The following EIF2B3 variants were observed in gnomAD, a reference collection of about 807,000 sequenced individuals.
EIF2B3 encodes the protein eukaryotic translation initiation factor 2B subunit gamma, also known as translation initiation factor eIF2B subunit gamma.
In EIF2B3, 20 loss-of-function variants were observed where a neutral mutation model predicts 54.1. The ratio of observed to expected loss-of-function variants is 0.37; its 90% CI spans 0.26 to 0.54. The LOEUF is 0.54. Among genes scored for constraint, EIF2B3 ranks in the 20% least tolerant of loss-of-function variants. The pLI is 0.86. For missense variants in EIF2B3, 448 were observed against 547.8 expected (o/e 0.82, Z 1.82); for synonymous variants, 153 against 188.1 (o/e 0.81, Z 1.52).
At chr1:44,951,268 A>G (rs1191898901) in intron 3 of EIF2B3, among the ~76,000 whole-genome samples, 1 of 152,224 alleles carries the variant, frequency 6.6e-6, no homozygotes, top group Non-Finnish European at 1.5e-5. Flanking sequence ...CAGGCATTAT[A>G]GAGATACAGC....
intron 3 of EIF2B3, among the ~76,000 whole-genome samples, 153 bp downstream of exon 3, chr1:44,978,162 T>C (rs1455016185): frequency 6.6e-6 from 1 of 151,974 alleles, no homozygotes; most frequent in Non-Finnish European, 1.5e-5. Context: ...ACCCGGGAGG[T>C]GGAGGTTGCA....
chr1:44,963,874 A>G (rs1644310329), intron 3 of EIF2B3, among the ~76,000 whole-genome samples: 1 of 152,138 alleles, frequency 6.6e-6, no homozygotes, highest in Non-Finnish European at 1.5e-5. Context: ...CCTCTACCCT[A>G]TAGCCCTTCA....
At chr1:44,921,448 C>CA (rs1475637111) in intron 5 of EIF2B3, among the ~76,000 whole-genome samples, 3 of 152,190 alleles carry the variant, frequency 2.0e-5, no homozygotes, top group African/African-American at 7.2e-5. Context: ...GGGTATTACT[C>CA]AAGACATCTT....
At chr1:44,952,550 T>C (rs923126561) in intron 3 of EIF2B3, among the ~76,000 whole-genome samples, 7 of 142,654 alleles carry the variant, frequency 4.9e-5, no homozygotes, top group African/African-American at 1.9e-4. Flanking sequence ...AAATGTCTTT[T>C]CTCCAATTTT....
chr1:44,917,760 T>A (rs1450991275), intron 5 of EIF2B3, among the ~76,000 whole-genome samples: 1 of 64,272 alleles, frequency 1.6e-5, no homozygotes, highest in Non-Finnish European at 2.7e-5. Flanking sequence ...ACACTCTTTT[T>A]TTTTTTTTTT....
At chr1:44,960,450 T>C (rs887196030) in intron 3 of EIF2B3, among the ~76,000 whole-genome samples, 2 of 151,946 alleles carry the variant, frequency 1.3e-5, no homozygotes, top group African/African-American at 4.8e-5. Context: ...CCATCCTGGC[T>C]AACACGGTGA....
intron 3 of EIF2B3, chr1:44,958,837 G>C (rs637224): frequency 0.19 from 191,021 of 983,596 alleles, 21,318 homozygotes; most frequent in African/African-American, 0.46. Flanking sequence ...TGAGCAGTGG[G>C]CTTCTGGACA....
At chr1:44,918,660 G>T (rs11811656) in intron 5 of EIF2B3, among the ~76,000 whole-genome samples, 33,676 of 152,122 alleles carry the variant, frequency 0.22, 4,054 homozygotes, top group Admixed American at 0.32. Context: ...CAAAGTGCTG[G>T]GATTACAGGC....
chr1:44,961,740 A>G (rs1181697713), intron 3 of EIF2B3, among the ~76,000 whole-genome samples: 2 of 152,208 alleles, frequency 1.3e-5, no homozygotes, highest in African/African-American at 4.8e-5. Context: ...AAAAATATTA[A>G]TATTTTATAG....
At chr1:44,908,674 C>T (rs553017646) in intron 5 of EIF2B3, among the ~76,000 whole-genome samples, 1 of 152,200 alleles carries the variant, frequency 6.6e-6, no homozygotes, top group East Asian at 1.9e-4. Context: ...CTTTATTCTA[C>T]AAGCAATGTA....
At chr1:44,942,418 T>TATATATATATAA (rs1553177413) in intron 3 of EIF2B3, among the ~76,000 whole-genome samples, 1 of 8,102 alleles carries the variant, frequency 1.2e-4, no homozygotes, top group African/African-American at 6.8e-4. Context: ...TATATATATA[T>TATATATATATAA]TTTTTTTTTT....
intron 3 of EIF2B3, among the ~76,000 whole-genome samples, chr1:44,951,626 G>A (rs184288175): frequency 6.6e-6 from 1 of 152,136 alleles, no homozygotes; most frequent in East Asian, 1.9e-4. Flanking sequence ...ATAGAAAACT[G>A]GTAACAGCAT....
At chr1:44,880,968 TAA>T (rs879853796) in intron 7 of EIF2B3, among the ~76,000 whole-genome samples, 2 of 123,710 alleles carry the variant, frequency 1.6e-5, no homozygotes, top group African/African-American at 6.0e-5. Flanking sequence ...CTCAAAAAAA[TAA>T]AAAAAAAAAA....
intron 10 of EIF2B3, 96 bp downstream of exon 10, chr1:44,874,582 G>T: frequency 7.2e-7 from 1 of 1,380,570 alleles, no homozygotes; most frequent in South Asian, 1.3e-5. Context: ...CACTTTGCCT[G>T]GGTATACAAT....
intron 10 of EIF2B3, chr1:44,862,890 C>T (rs1654656901): frequency 6.6e-6 from 1 of 152,130 alleles, no homozygotes; most frequent in Admixed American, 6.5e-5. Context: ...AGCCACTGCA[C>T]CCAGCCTACA....
At chr1:44,928,018 T>C (rs1029208010) in intron 4 of EIF2B3, among the ~76,000 whole-genome samples, 1 of 151,896 alleles carries the variant, frequency 6.6e-6, no homozygotes, top group Admixed American at 6.6e-5. Context: ...AAAAATTAGC[T>C]GGGCATGGTG....
At chr1:44,942,412 T>C (rs1259230054) in intron 3 of EIF2B3, among the ~76,000 whole-genome samples, 2 of 19,606 alleles carry the variant, frequency 1.0e-4, no homozygotes, top group Admixed American at 6.6e-4. Context: ...TATATATATA[T>C]ATATATTTTT....
chr1:44,910,134 C>A (rs1643483686), intron 5 of EIF2B3, among the ~76,000 whole-genome samples: 1 of 152,138 alleles, frequency 6.6e-6, no homozygotes, highest in South Asian at 2.1e-4. Flanking sequence ...ACATGATTTT[C>A]TTATTAAATA....
At chr1:44,862,776 T>C (rs889141981) in intron 10 of EIF2B3, among the ~76,000 whole-genome samples, 1 of 152,160 alleles carries the variant, frequency 6.6e-6, no homozygotes, top group Non-Finnish European at 1.5e-5. Flanking sequence ...TTTTTGTATT[T>C]TTAGTAGAGA....
Sources: gnomAD v4.1 joint callset for allele counts (sites outside exome capture counted in the v4.1 genomes callset) on GRCh38, gnomAD v4.1.1 for gene constraint, MANE v1.5 for transcripts, NCBI Gene and HGNC (gene_info 2026-07-23, HGNC 2026-07-21) for gene names.